Variants in ROBO2 observed in about 807,000 individuals in gnomAD.
The protein encoded by ROBO2 is roundabout guidance receptor 2.
In ROBO2, 53 loss-of-function variants were observed where a neutral mutation model predicts 160.8. That is an observed-to-expected ratio of 0.33 (90% CI 0.26 to 0.41). ROBO2 has a LOEUF of 0.41. ROBO2 is among the 10% of genes least tolerant of loss of function. ROBO2 has a pLI of 1.00. For synonymous variants in ROBO2, 664 were observed against 611.7 expected, an observed-to-expected ratio of 1.09 and a Z score of -1.26; for missense variants, 1,577 against 1,722.4, an observed-to-expected ratio of 0.92 and a Z score of 1.49.
At chr3:77,520,942 A>G (rs932858911) in intron 5 of ROBO2, among the ~76,000 whole-genome samples, 11 of 151,330 alleles carry the variant, frequency 7.3e-5, no homozygotes, top group African/African-American at 2.7e-4. Context: ...CTTGCTCTAA[A>G]CTATACTCAG....
intron 2 of ROBO2, among the ~76,000 whole-genome samples, chr3:76,994,642 A>G (rs902796325): frequency 6.6e-6 from 1 of 152,194 alleles, no homozygotes; most frequent in African/African-American, 2.4e-5. Flanking sequence ...TATGCTCCAG[A>G]TAGTGTGCAA....
chr3:77,189,709 T>C (rs531067218), intron 2 of ROBO2, among the ~76,000 whole-genome samples: 2 of 152,050 alleles, frequency 1.3e-5, no homozygotes, highest in South Asian at 4.1e-4. Flanking sequence ...TAAAAATATA[T>C]TTTAGAGGCA....
chr3:75,927,642 C>CT (rs1320043174), intron 1 of ROBO2, among the ~76,000 whole-genome samples: 2 of 152,164 alleles, frequency 1.3e-5, no homozygotes, highest in African/African-American at 2.4e-5. Flanking sequence ...AAAAAAGACA[C>CT]TTTTAAAATC....
chr3:77,035,695 A>G (rs1197624420), upstream of ROBO2, among the ~76,000 whole-genome samples: 2 of 151,930 alleles, frequency 1.3e-5, no homozygotes, highest in Non-Finnish European at 2.9e-5. Flanking sequence ...AACATATTTC[A>G]GAAGAACAAT....
intron 2 of ROBO2, among the ~76,000 whole-genome samples, chr3:76,881,134 A>C (rs1478115488): frequency 2.0e-5 from 3 of 152,332 alleles, no homozygotes; most frequent in Admixed American, 1.3e-4. Flanking sequence ...GAAAATAGTC[A>C]CTGGCAATCA....
intron 2 of ROBO2, among the ~76,000 whole-genome samples, chr3:76,718,591 G>A (rs1376644687): frequency 6.6e-6 from 1 of 152,142 alleles, no homozygotes; most frequent in Non-Finnish European, 1.5e-5. Flanking sequence ...AGGCCTGAAT[G>A]TCATTAAATT....
At chr3:76,523,171 A>C (rs1334835078) in intron 2 of ROBO2, among the ~76,000 whole-genome samples, 2 of 151,772 alleles carry the variant, frequency 1.3e-5, no homozygotes, top group Non-Finnish European at 2.9e-5. Flanking sequence ...GGAGATAATA[A>C]TGTACTTGTT....
At chr3:76,275,031 C>G (rs1397842951) in intron 2 of ROBO2, among the ~76,000 whole-genome samples, 3 of 151,964 alleles carry the variant, frequency 2.0e-5, no homozygotes, top group Non-Finnish European at 4.4e-5. Context: ...GAGTAAGTTA[C>G]TTAATATAAT....
intron 2 of ROBO2, among the ~76,000 whole-genome samples, chr3:76,038,627 T>C (rs1160154833): frequency 6.6e-6 from 1 of 151,944 alleles, no homozygotes; most frequent in Non-Finnish European, 1.5e-5. Flanking sequence ...CGGCCCACTT[T>C]CTCTCCTTGT....
At chr3:77,379,682 T>C (rs1487509617) in intron 2 of ROBO2, among the ~76,000 whole-genome samples, 2 of 152,212 alleles carry the variant, frequency 1.3e-5, no homozygotes, top group African/African-American at 4.8e-5. Context: ...GTGATATCTC[T>C]AAACTCTGGT....
chr3:77,644,632 A>C, intron 24 of ROBO2, 72 bp from the exon 27 acceptor site: 1 of 1,317,628 alleles, frequency 7.6e-7, no homozygotes, highest in Non-Finnish European at 1.1e-6. Context: ...ACAGTGTTAT[A>C]TTCAAGAGTT....
chr3:76,459,524 C>T (rs1358123540), intron 2 of ROBO2, among the ~76,000 whole-genome samples: 1 of 152,074 alleles, frequency 6.6e-6, no homozygotes, highest in Non-Finnish European at 1.5e-5. Flanking sequence ...ATTATAGTAA[C>T]TACTATAGAC....
chr3:75,997,201 T>C (rs958985069), intron 2 of ROBO2, among the ~76,000 whole-genome samples: 2 of 152,192 alleles, frequency 1.3e-5, no homozygotes, highest in African/African-American at 4.8e-5. Context: ...AGCACATATG[T>C]TAATGTTTCT....
rs116118709 is a variant in ROBO2 at position 76,678,839 on chromosome 3, G to T, written c.110-419175G>T. ...TATCCATAAAACAGGGATAATAAGAGACATGAAATGGAATAATTTATGAGT... is the reference window on the plus strand; with the variant it reads ...TATCCATAAAACAGGGATAATAAGATACATGAAATGGAATAATTTATGAGT... On this transcript the variant is annotated intron_variant, in intron 2 of 26. Coordinates refer to the ROBO2 transcript ENST00000487694. 2.7e-3 allele frequency among the ~76,000 whole-genome samples: 407 copies of T among 152,220 alleles called. 2 individuals are homozygous for T. The highest frequency in any genetic ancestry group is 9.4e-3 in the African/African-American group (389 of 41,550).
chr3:76,491,184 T>A (rs532118118), intron 2 of ROBO2, among the ~76,000 whole-genome samples: 1 of 152,136 alleles, frequency 6.6e-6, no homozygotes, highest in African/African-American at 2.4e-5. Flanking sequence ...GGTTTTGAAC[T>A]CCTGACCTTG....
At chr3:77,573,637 A>G (rs1277152687) in intron 13 of ROBO2, among the ~76,000 whole-genome samples, 1 of 151,988 alleles carries the variant, frequency 6.6e-6, no homozygotes, top group Non-Finnish European at 1.5e-5. Context: ...CTACAACTTT[A>G]ATCTGTATTA....
chr3:76,199,990 TC>T (rs2107242721), intron 2 of ROBO2, among the ~76,000 whole-genome samples: 2 of 152,304 alleles, frequency 1.3e-5, no homozygotes, highest in East Asian at 3.9e-4. Context: ...TGGATGGTCT[TC>T]CTTTATTTCC....
At chr3:76,953,257 T>C (rs2079061135) in intron 2 of ROBO2, among the ~76,000 whole-genome samples, 1 of 152,126 alleles carries the variant, frequency 6.6e-6, no homozygotes, top group East Asian at 1.9e-4. Flanking sequence ...CATTTTCGTT[T>C]AAAATAAAAA....
intron 2 of ROBO2, among the ~76,000 whole-genome samples, chr3:77,121,271 C>T (rs998290037): frequency 6.6e-6 from 1 of 151,964 alleles, no homozygotes; most frequent in African/African-American, 2.4e-5. Flanking sequence ...GACCTGAATA[C>T]ATGCTCAGGT....
Sources: allele counts gnomAD v4.1 joint callset (sites outside exome capture counted in the v4.1 genomes callset), GRCh38; gene constraint gnomAD v4.1.1; transcripts MANE v1.5; gene names NCBI Gene and HGNC (gene_info 2026-07-23, HGNC 2026-07-21).